TAT: variants seen among roughly 807,000 people sequenced by gnomAD.
The protein encoded by TAT is tyrosine aminotransferase.
TAT carries 35 observed loss-of-function variants against 53.6 expected under a neutral mutation model. The ratio of observed to expected loss-of-function variants is 0.65; its 90% CI spans 0.50 to 0.87. TAT has a LOEUF of 0.87. TAT is among the 40% of genes least tolerant of loss of function. The pLI, the probability that TAT is intolerant of heterozygous loss-of-function variation, is 0.00. For missense variants in TAT, 525 were observed against 571.8 expected (o/e 0.92, Z 0.83); for synonymous variants, 197 against 206.5 (o/e 0.95, Z 0.39).
chr16:71,570,583 A>G lies in TAT; in HGVS notation c.912+96T>C, dbSNP rs997013270. 1.3e-5 allele frequency: 20 copies of G among 1,589,394 alleles called. No individual in the cohort carries two copies. In the African/African-American group the frequency reaches 2.6e-4, roughly 20 times the overall value. On this transcript the variant is annotated intron_variant, in intron 8 of 11. Coordinates refer to ENST00000355962, the MANE Select transcript of TAT (RefSeq NM_000353.3). ...CCACACACATGCTGCTTGACTGACA[A>G]GGAGAAAGAAAAGAAAAAAGCCTCC... is the stretch of plus-strand genomic sequence containing the variant.
intron 10 of TAT, among the ~76,000 whole-genome samples, chr16:71,569,432 G>A (rs1322924539): frequency 6.6e-6 from 1 of 152,012 alleles, no homozygotes; most frequent in Non-Finnish European, 1.5e-5. Context: ...AACCTCCAAG[G>A]CTCAAGTCAT....
Position 71,567,896 on chromosome 16 carries a change from G to C in TAT, c.*248C>G, listed in dbSNP as rs1259684563. 2 of 524,306 alleles carry C rather than the reference G, an allele frequency of 3.8e-6. No homozygotes were observed. Among genetic ancestry groups the C allele is most frequent in the Admixed American group, 3.3e-5 (1 of 30,740 alleles). 32.5% of individuals were successfully genotyped at this position (524,306 alleles called of 1,614,324 possible). On this transcript the variant is annotated 3_prime_UTR_variant, in exon 12 of 12. Transcript: ENST00000355962. ...AAAAAAAGAAGGAAATCTTACGAGAGGGAGGCAGATTAATGAATTAGTGAG... is the reference window on the plus strand; with the variant it reads ...AAAAAAAGAAGGAAATCTTACGAGACGGAGGCAGATTAATGAATTAGTGAG...
At chr16:71,576,090 C>T in intron 2 of TAT, 64 bp from the exon 3 acceptor site, 3 of 1,609,372 alleles carry the variant, frequency 1.9e-6, no homozygotes, top group Non-Finnish European at 1.7e-6. Flanking sequence ...AGTACTCAGA[C>T]TCACCCCCAA....
chr16:71,570,875 C>G, intron 7 of TAT, 44 bp from the exon 8 acceptor site: 2 of 1,602,564 alleles, frequency 1.2e-6, no homozygotes, highest in African/African-American at 1.3e-5. Context: ...GTCTACTTCT[C>G]ACTGCAATCC....
chr16:71,570,979 G>C (rs1022061670), intron 7 of TAT, 148 bp from the exon 8 acceptor site: 1 of 1,027,558 alleles, frequency 9.7e-7, no homozygotes, highest in Non-Finnish European at 1.5e-6. Context: ...GACTGGGATT[G>C]CAAGAGGCTT....
Position 71,572,683 on chromosome 16 carries a change from G to A in TAT, c.414C>T (p.Val138=). The A allele has an allele frequency of 1.2e-6, 2 of 1,614,214 alleles. No individual in the cohort carries two copies. The highest frequency in any genetic ancestry group is 1.7e-6 in the Non-Finnish European group (2 of 1,180,034). Residue 138 remains valine (V), a synonymous_variant, in exon 5 of 12, where the codon GTC becomes GTT. Coordinates refer to ENST00000355962, the MANE Select transcript of TAT (RefSeq NM_000353.3). The part of the protein sequence containing the change: ...CPEAPLEAKD[V]ILTSGCSQAI... ...CTTGGCTGCAGCCACTTGTCAGAATGACGTCCTGTGAAGGAAATAAAAGGT... is the reference window on the plus strand; with the variant it reads ...CTTGGCTGCAGCCACTTGTCAGAATAACGTCCTGTGAAGGAAATAAAAGGT...
rs777582600 is a variant in TAT at position 71,576,359 on chromosome 16, G to T, written c.57C>A (p.Asp19Glu). Residue 19 changes from aspartate to glutamate, a missense_variant, in exon 2 of 12, where the codon GAC (aspartate) becomes GAA (glutamate). Transcript: ENST00000355962. ...TTCTCCCACCAACGTTGACATGCAC[G>T]TCCAGAATTGAGGGGAGGTTGCCTT... The part of the protein sequence containing the change: ...SSKGNLPSIL[D>E]VHVNVGGRSS... The T allele has an allele frequency of 1.9e-6, 3 of 1,613,978 alleles. No individual in the cohort carries two copies. Among genetic ancestry groups the T allele is most frequent in the Admixed American group, 3.3e-5 (2 of 59,984 alleles).
rs1011547750 is a variant in TAT, at chr16:71,570,974, G to C, written c.760-143C>G. ...TCATCCCTACCCTGAAGCATGACTG[G>C]GATTGCAAGAGGCTTTGAAGGGGAC... On this transcript the variant is annotated intron_variant, in intron 7 of 11. Transcript: ENST00000355962. 401 of 1,064,520 alleles carry C rather than the reference G, an allele frequency of 3.8e-4. 2 individuals carry two copies. The highest frequency in any genetic ancestry group is 2.9e-4 in the Non-Finnish European group (209 of 714,800). 65.9% of individuals were successfully genotyped at this position (1,064,520 alleles called of 1,614,324 possible).
chr16:71,572,079 C>A (rs2044206849), intron 6 of TAT, 107 bp downstream of exon 6: 2 of 1,461,084 alleles, frequency 1.4e-6, no homozygotes, highest in East Asian at 4.5e-5. Context: ...AGCTCCCCAC[C>A]TCCACCCCAG....
At position 71,566,487 on chromosome 16, in the gene TAT, A is replaced by C. The variant is rs1007460099; in HGVS notation, c.*1657T>G. 2.0e-5 allele frequency: 3 copies of C among 151,732 alleles called. No homozygotes were observed. Among genetic ancestry groups the C allele is most frequent in the Non-Finnish European group, 2.9e-5 (2 of 67,944 alleles). 9.4% of individuals were successfully genotyped at this position (151,732 alleles called of 1,614,324 possible). On this transcript the variant is annotated 3_prime_UTR_variant, in exon 12 of 12. Transcript: ENST00000355962. ...GATTTGCGAAAAAAAAAAAAAAAAAAAAACATCTAGGACACTTCTCATTCA... is the reference window on the plus strand; with the variant it reads ...GATTTGCGAAAAAAAAAAAAAAAAACAAACATCTAGGACACTTCTCATTCA...
Position 71,574,618 on chromosome 16 carries a change from C to T in TAT, c.341-1012G>A, listed in dbSNP as rs2044224963. On this transcript the variant is annotated intron_variant, in intron 3 of 11. Coordinates refer to ENST00000355962, the MANE Select transcript of TAT (RefSeq NM_000353.3). ...AAAAAAAAAAAAAAGAAGTTGTAAT[C>T]AGTGCATTCAATTCATGTGGTCCAT... is the stretch of plus-strand genomic sequence containing the variant. 2.0e-5 allele frequency among the ~76,000 whole-genome samples: 3 copies of T among 147,244 alleles called. No homozygotes were observed. The South Asian group carries it at 6.4e-4, about 31-fold the overall frequency.
chr16:71,570,933 C>T (rs1001291627), intron 7 of TAT, 102 bp from the exon 8 acceptor site: 1 of 1,427,824 alleles, frequency 7.0e-7, no homozygotes, highest in Non-Finnish European at 9.6e-7. Context: ...AGGGACAGGT[C>T]CTTGGATTAA....
chr16:71,574,862 A>T (rs936624920), intron 3 of TAT, among the ~76,000 whole-genome samples: 3 of 152,196 alleles, frequency 2.0e-5, no homozygotes, highest in Admixed American at 6.5e-5. Flanking sequence ...ATAGGTATAG[A>T]TGGGTGTCTC....
At chr16:71,575,713 A>G (rs1396278228) in intron 3 of TAT, 2 of 623,480 alleles carry the variant, frequency 3.2e-6, no homozygotes. Flanking sequence ...CCCATATGTC[A>G]AAGAAAGCCA....
At position 71,572,182 on chromosome 16, in the gene TAT, G is replaced by C; in HGVS notation, c.706+4C>G. On this transcript the variant is annotated splice_donor_region_variant and intron_variant, in intron 6 of 11. Coordinates refer to ENST00000355962, the MANE Select transcript of TAT (RefSeq NM_000353.3). ...TCGTCCTCTGTGAAGTCTGCTGGAC[G>C]TACCTGCCAGAATCTTCTGAAGATG... The C allele has an allele frequency of 6.2e-7, 1 of 1,614,080 alleles. No individual in the cohort carries two copies. Among genetic ancestry groups the C allele is most frequent in the Non-Finnish European group, 8.5e-7 (1 of 1,179,948 alleles).
chr16:71,572,529 C>T lies in TAT; in HGVS notation c.567+1G>A. 1 of 1,614,166 alleles carries T rather than the reference C, an allele frequency of 6.2e-7. No individual in the cohort carries two copies. The highest frequency in any genetic ancestry group is 8.5e-7 in the Non-Finnish European group (1 of 1,180,030). ...GAGTCTAAGATTAAAAAGTCATTTA[C>T]CAACAAATTGTAGAGTTTGACCTCA... On this transcript the variant is annotated splice_donor_variant, in intron 5 of 11. Coordinates refer to ENST00000355962, the MANE Select transcript of TAT (RefSeq NM_000353.3). LOFTEE classifies it high-confidence loss of function.
At chr16:71,573,413 T>C (rs2044216544) in intron 4 of TAT, 126 bp downstream of exon 4, 1 of 868,908 alleles carries the variant, frequency 1.2e-6, no homozygotes, top group Non-Finnish European at 1.9e-6. Flanking sequence ...GTCTTCTAAT[T>C]GCTAAAGGGA....
At position 71,568,725 on chromosome 16, in the gene TAT, A is replaced by G; in HGVS notation, c.1210T>C (p.Cys404Arg). The G allele has an allele frequency of 6.2e-7, 1 of 1,613,662 alleles. No homozygotes were observed. Among genetic ancestry groups the G allele is most frequent in the Non-Finnish European group, 8.5e-7 (1 of 1,179,774 alleles). The change falls in exon 11 of 12, where the codon TGC (cysteine) becomes CGC (arginine). Residue 404 changes from cysteine (C) to arginine (R), a missense_variant. Coordinates refer to ENST00000355962, the MANE Select transcript of TAT (RefSeq NM_000353.3). ...CAGGCACCCACCGTTGCTGGGAGGC[A>G]GTGGACAGACTGCTCAGCAACTAAC... ...ERLVAEQSVH[C>R]LPATCFEYPN... is the part of the protein sequence containing the mutation.
intron 7 of TAT, 118 bp from the exon 8 acceptor site, chr16:71,570,949 T>A (rs1319419362): frequency 1.6e-6 from 2 of 1,259,522 alleles, no homozygotes; most frequent in African/African-American, 3.0e-5. Context: ...ATTAATGGGA[T>A]CATCCCTACC....
Sources: allele counts gnomAD v4.1 joint callset (sites outside exome capture counted in the v4.1 genomes callset), GRCh38; gene constraint gnomAD v4.1.1; transcripts MANE v1.5; gene names NCBI Gene and HGNC (gene_info 2026-07-23, HGNC 2026-07-21).